Variants in RAB6B observed in about 807,000 individuals in gnomAD.
The protein encoded by RAB6B is RAB6B, member RAS oncogene family.
Under a neutral mutation model 31.2 loss-of-function variants are expected in RAB6B, and 7 were observed. The ratio of observed to expected loss-of-function variants is 0.22; its 90% CI spans 0.13 to 0.42. The LOEUF is 0.42. Among genes scored for constraint, RAB6B ranks in the 10% least tolerant of loss-of-function variants. The pLI, the probability that RAB6B is intolerant of heterozygous loss-of-function variation, is 1.00. For synonymous variants in RAB6B, 105 were observed against 104.9 expected (o/e 1.00, Z -0.01); for missense variants, 149 against 280.6 (o/e 0.53, Z 3.35).
intron 1 of RAB6B, among the ~76,000 whole-genome samples, chr3:133,865,708 G>A (rs183267552): frequency 2.8e-4 from 43 of 152,326 alleles, no homozygotes; most frequent in African/African-American, 9.9e-4. Flanking sequence ...CCATTTCCCA[G>A]GCTGGCAGTA....
chr3:133,859,404 C>T (rs990072587), intron 2 of RAB6B, among the ~76,000 whole-genome samples: 10 of 152,122 alleles, frequency 6.6e-5, no homozygotes, highest in East Asian at 5.8e-4. Context: ...TCTCTTTTCA[C>T]GCCCCTTTTC....
chr3:133,894,087 T>G (rs1343047178), intron 1 of RAB6B, among the ~76,000 whole-genome samples: 2 of 152,206 alleles, frequency 1.3e-5, no homozygotes, highest in African/African-American at 2.4e-5. Context: ...ATAACCCTCA[T>G]GTACACACAG....
chr3:133,876,921 A>G (rs1407236788), intron 1 of RAB6B, among the ~76,000 whole-genome samples: 3 of 152,250 alleles, frequency 2.0e-5, no homozygotes, highest in Non-Finnish European at 2.9e-5. Context: ...AAAGGTCCCA[A>G]GACTTTAGCT....
At chr3:133,894,978 C>T (rs1936686670) in intron 1 of RAB6B, among the ~76,000 whole-genome samples, 1 of 152,208 alleles carries the variant, frequency 6.6e-6, no homozygotes, top group Non-Finnish European at 1.5e-5. Context: ...CTTCGTTCTC[C>T]AAGGGGGGCG....
intron 2 of RAB6B, among the ~76,000 whole-genome samples, chr3:133,846,423 G>A (rs1935909330): frequency 6.6e-6 from 1 of 152,090 alleles, no homozygotes; most frequent in African/African-American, 2.4e-5. Flanking sequence ...CTCCAGCCTG[G>A]GCAACAGAGT....
chr3:133,855,266 C>T (rs1014995857), intron 2 of RAB6B, among the ~76,000 whole-genome samples: 2 of 152,258 alleles, frequency 1.3e-5, no homozygotes, highest in Non-Finnish European at 2.9e-5. Flanking sequence ...CTGGGCATAT[C>T]CTTGCCAGAA....
intron 2 of RAB6B, among the ~76,000 whole-genome samples, chr3:133,842,116 G>T (rs577931140): frequency 6.6e-6 from 1 of 152,244 alleles, no homozygotes; most frequent in Non-Finnish European, 1.5e-5. Context: ...GGAGGCAGGG[G>T]GCAGGAGCAG....
chr3:133,874,150 T>C (rs1285803475), intron 1 of RAB6B, among the ~76,000 whole-genome samples: 1 of 152,228 alleles, frequency 6.6e-6, no homozygotes, highest in Non-Finnish European at 1.5e-5. Context: ...GAAAAATATC[T>C]ACCTTTAAGT....
chr3:133,891,856 G>A (rs1282842861), intron 1 of RAB6B, among the ~76,000 whole-genome samples: 6 of 152,290 alleles, frequency 3.9e-5, no homozygotes, highest in South Asian at 4.2e-4. Flanking sequence ...TGGTCAGAGC[G>A]AGAAACTGGC....
At chr3:133,891,193 C>A (rs1256259673) in intron 1 of RAB6B, among the ~76,000 whole-genome samples, 2 of 152,116 alleles carry the variant, frequency 1.3e-5, no homozygotes, top group Non-Finnish European at 1.5e-5. Flanking sequence ...GTGGGGGCCA[C>A]TGAATGATCA....
chr3:133,827,750 C>CCCCA lies in RAB6B; in HGVS notation c.*1037_*1038insTGGG. ...GGTGGTGGTTCTGCAGACAACACCCCCCCCCCCCCCCGCCTCCCCATCACA... is the reference window on the plus strand; with the variant it reads ...GGTGGTGGTTCTGCAGACAACACCCCCCCACCCCCCCCCCCGCCTCCCCATCACA... On this transcript the variant is annotated 3_prime_UTR_variant, in exon 8 of 8. Coordinates refer to ENST00000285208, the MANE Select transcript of RAB6B (RefSeq NM_016577.4). 1 of 28,876 alleles carries CCCCA rather than the reference C, an allele frequency of 3.5e-5. No homozygotes were observed. Among genetic ancestry groups the CCCCA allele is most frequent in the South Asian group, 1.1e-3 (1 of 900 alleles). The allele number at this position is 28,876 out of a possible 1,614,324, so 1.8% of individuals were successfully genotyped here.
chr3:133,888,295 C>T (rs771196335), intron 1 of RAB6B, among the ~76,000 whole-genome samples: 3 of 152,244 alleles, frequency 2.0e-5, no homozygotes, highest in South Asian at 2.1e-4. Context: ...ATCCCACATC[C>T]GTCACAGGGT....
At chr3:133,829,286 A>C (rs539877926) in intron 7 of RAB6B, among the ~76,000 whole-genome samples, 2 of 152,358 alleles carry the variant, frequency 1.3e-5, no homozygotes, top group African/African-American at 4.8e-5. Context: ...CCTAATTGGC[A>C]GCAGGAGCAA....
intron 1 of RAB6B, among the ~76,000 whole-genome samples, chr3:133,880,063 G>A (rs139357219): frequency 2.6e-4 from 40 of 152,322 alleles, no homozygotes; most frequent in Admixed American, 1.2e-3. Context: ...GTGCTGTGAA[G>A]AATTAATTCA....
chr3:133,866,435 C>T lies in RAB6B; in HGVS notation c.71-1793G>A, dbSNP rs148222317. Among the ~76,000 whole-genome samples, 470 of 152,242 alleles carry T rather than the reference C, an allele frequency of 3.1e-3. 1 individual carries two copies. The highest frequency in any genetic ancestry group is 5.7e-3 in the Non-Finnish European group (390 of 68,004). On this transcript the variant is annotated intron_variant, in intron 1 of 7. Coordinates refer to ENST00000285208, the MANE Select transcript of RAB6B (RefSeq NM_016577.4). The stretch of plus-strand genomic sequence containing the variant: ...TCAGGATTCTGCCCTTGTTGGAGAA[C>T]GCTGACCACCACGCCAACTCTGGGT...
intron 4 of RAB6B, among the ~76,000 whole-genome samples, chr3:133,840,704 C>T (rs115861597): frequency 1.4e-4 from 22 of 152,180 alleles, no homozygotes; most frequent in African/African-American, 5.1e-4. Context: ...TCTGCCTCGG[C>T]CCCCCACCCC....
rs1316547935 is a variant in RAB6B, at chr3:133,895,379, A to AT, written c.70+17dup. ...GGTCGACTCGGCGACAAGCCAAGAGATTAAGCCGGGTACTTACCGCTCTGC... is the reference window on the plus strand; with the variant it reads ...GGTCGACTCGGCGACAAGCCAAGAGATTTAAGCCGGGTACTTACCGCTCTGC... On this transcript the variant is annotated intron_variant, in intron 1 of 7. Transcript: ENST00000285208. 3 of 1,608,412 alleles carry AT rather than the reference A, an allele frequency of 1.9e-6. No individual in the cohort carries two copies. The highest frequency in any genetic ancestry group is 2.5e-6 in the Non-Finnish European group (3 of 1,177,074).
At chr3:133,869,838 C>T (rs142170983) in intron 1 of RAB6B, among the ~76,000 whole-genome samples, 78 of 152,302 alleles carry the variant, frequency 5.1e-4, no homozygotes, top group Middle Eastern at 6.8e-3. Context: ...GTGAGCGAGC[C>T]TTCAGGTGAC....
chr3:133,892,551 T>C (rs929071355), intron 1 of RAB6B, among the ~76,000 whole-genome samples: 1 of 152,156 alleles, frequency 6.6e-6, no homozygotes, highest in Non-Finnish European at 1.5e-5. Flanking sequence ...TGGGAATCCA[T>C]TGCCCTTGCC....
Sources: gnomAD v4.1 joint callset for allele counts (sites outside exome capture counted in the v4.1 genomes callset) on GRCh38, gnomAD v4.1.1 for gene constraint, MANE v1.5 for transcripts, NCBI Gene and HGNC (gene_info 2026-07-23, HGNC 2026-07-21) for gene names.